LRCH4: variants seen among roughly 807,000 people sequenced by gnomAD.
LRCH4 encodes the protein leucine rich repeats and calponin homology domain containing 4, also known as leucine-rich repeat and calponin homology domain-containing protein 4.
LRCH4 carries 56 observed loss-of-function variants against 81.2 expected under a neutral mutation model. The observed-to-expected ratio is 0.69, with a 90% CI of 0.56 to 0.86. The LOEUF is 0.86. LRCH4 is among the 40% of genes least tolerant of loss of function. LRCH4 has a pLI of 0.00. For synonymous variants in LRCH4, 442 were observed against 409.7 expected (o/e 1.08, Z -0.95); for missense variants, 895 against 922.8 (o/e 0.97, Z 0.39).
intron 4 of LRCH4, chr7:100,580,636 CACACACAGACACAA>C (rs1213663563): frequency 6.6e-6 from 1 of 151,410 alleles, no homozygotes; most frequent in African/African-American, 2.4e-5. Context: ...CACACAAAGA[CACACACAGACACAA>C]ACACACATAC....
chr7:100,576,568 T>A, intron 14 of LRCH4, 126 bp downstream of exon 14: 2 of 847,072 alleles, frequency 2.4e-6, no homozygotes, highest in East Asian at 5.3e-5. Context: ...CCGGCTTGCT[T>A]GTGGGATTTT....
intron 1 of LRCH4, 36 bp downstream of exon 1, chr7:100,585,845 G>A (rs749254519): frequency 3.9e-6 from 6 of 1,524,620 alleles, no homozygotes; most frequent in Non-Finnish European, 5.3e-6. Context: ...ATGCAAATGA[G>A]GGACCCGGTT....
At position 100,578,827 on chromosome 7, in the gene LRCH4, G is replaced by C; in HGVS notation, c.599-41C>G. The C allele has an allele frequency of 6.2e-7, 1 of 1,600,170 alleles. No homozygotes were observed. Among genetic ancestry groups the C allele is most frequent in the South Asian group, 1.1e-5 (1 of 89,268 alleles). On this transcript the variant is annotated intron_variant, in intron 4 of 17. Coordinates refer to ENST00000310300, the MANE Select transcript of LRCH4 (RefSeq NM_002319.5). The surrounding 1 kb of genome is among the most constrained non-coding windows in gnomAD (Gnocchi z 5.7). ...AAGGGAAAAGTCAGGAACATGCTCAGGGCTGTGGCCTCGTGCTCACTCCCT... is the reference window on the plus strand; with the variant it reads ...AAGGGAAAAGTCAGGAACATGCTCACGGCTGTGGCCTCGTGCTCACTCCCT...
At position 100,576,764 on chromosome 7, in the gene LRCH4, A is replaced by G; in HGVS notation, c.1482T>C (p.Ala494=). 6.3e-7 allele frequency: 1 copy of G among 1,595,048 alleles called. No individual in the cohort carries two copies. Among genetic ancestry groups the G allele is most frequent in the Non-Finnish European group, 8.5e-7 (1 of 1,170,574 alleles). Residue 494 remains alanine, a synonymous_variant, in exon 14 of 18, where the codon GCT becomes GCC. Transcript: ENST00000310300. Reference sequence around the variant, plus strand: ...TCTGAATGGAGCCAAGTGGCCGTGGAGCAGGTGCTGTCGCTGGGGCCGGAA... The same window carrying G: ...TCTGAATGGAGCCAAGTGGCCGTGGGGCAGGTGCTGTCGCTGGGGCCGGAA... ...LPIAGPATAP[A]PRPLGSIQRP...
In LRCH4 at chr7:100,576,700, C is replaced by T; in HGVS notation, c.1546G>A (p.Gly516Ser). Residue 516 changes from glycine to serine, a missense_variant, in exon 14 of 18, where the codon GGC becomes AGC. Transcript: ENST00000310300. ...SFLFRSSSQS[G>S]SGPSSPDSVL... ...GGGAGGGCAGGACACCCACCTGAGCCACTCTGAGAGGAGGAACGGAAGAGG... is the reference window on the plus strand; with the variant it reads ...GGGAGGGCAGGACACCCACCTGAGCTACTCTGAGAGGAGGAACGGAAGAGG... 6.3e-7 allele frequency: 1 copy of T among 1,589,224 alleles called. No homozygotes were observed. Among genetic ancestry groups the T allele is most frequent in the South Asian group, 1.1e-5 (1 of 87,292 alleles).
rs1025421229 is a variant in LRCH4 at position 100,578,232 on chromosome 7, T to C, written c.875A>G (p.His292Arg). The C allele has an allele frequency of 4.3e-6, 7 of 1,614,114 alleles. No individual in the cohort carries two copies. In the African/African-American group the frequency reaches 5.3e-5, roughly 12 times the overall value. ...TGAGTCCAGCCCACCATCGTACCGA[T>C]GTCCCGGAAATAGATCCTCTGCAGG... ...PCPAEDLFPG[H>R]RYDGGLDSGF... is the part of the protein sequence containing the mutation. Residue 292 changes from histidine to arginine, a missense_variant, in exon 7 of 18, where the codon CAT becomes CGT. His to Arg is a conservative substitution (Grantham distance 29, BLOSUM62 0). This residue lies in a region of LRCH4 where 360 missense variants were observed against 397.0 expected (regional missense o/e 0.91). Coordinates refer to ENST00000310300, the MANE Select transcript of LRCH4 (RefSeq NM_002319.5). The surrounding 1 kb of genome is among the most constrained non-coding windows in gnomAD (Gnocchi z 5.7).
intron 4 of LRCH4, chr7:100,579,004 G>A (rs920714706): frequency 4.6e-5 from 26 of 567,374 alleles, no homozygotes; most frequent in African/African-American, 4.3e-4. Flanking sequence ...GGGCCCATCT[G>A]GACGTCAGCT....
chr7:100,578,570 G>A lies in LRCH4; in HGVS notation c.736-59C>T. ...CAGGGAGGGCAGCTCCCCGGATCCT[G>A]CTCAGCTATCCAAGGGGACCAACCC... is the stretch of plus-strand genomic sequence containing the variant. On this transcript the variant is annotated intron_variant, in intron 5 of 17. Transcript: ENST00000310300. The surrounding 1 kb of genome is among the most constrained non-coding windows in gnomAD (Gnocchi z 5.7). The A allele has an allele frequency of 6.2e-7, 1 of 1,601,154 alleles. No individual in the cohort carries two copies. Among genetic ancestry groups the A allele is most frequent in the Admixed American group, 1.7e-5 (1 of 59,344 alleles).
intron 15 of LRCH4, 65 bp from the exon 16 acceptor site, chr7:100,576,073 T>C: frequency 6.5e-7 from 1 of 1,542,888 alleles, no homozygotes; most frequent in Non-Finnish European, 8.7e-7. Flanking sequence ...GCAGGGAGAG[T>C]GGGGGGCTCA....
Position 100,576,758 on chromosome 7 carries a change from C to A in LRCH4, c.1488G>T (p.Arg496=). The A allele has an allele frequency of 6.3e-7, 1 of 1,595,772 alleles. No individual in the cohort carries two copies. Among genetic ancestry groups the A allele is most frequent in the South Asian group, 1.1e-5 (1 of 88,192 alleles). ...TTGGTCTCTGAATGGAGCCAAGTGG[C>A]CGTGGAGCAGGTGCTGTCGCTGGGG... ...IAGPATAPAP[R]PLGSIQRPNS... Residue 496 remains arginine (R), a synonymous_variant, in exon 14 of 18, where the codon CGG becomes CGT. Coordinates refer to ENST00000310300, the MANE Select transcript of LRCH4 (RefSeq NM_002319.5).
intron 4 of LRCH4, chr7:100,580,404 T>TCTCA (rs1801492412): frequency 7.3e-6 from 1 of 137,796 alleles, no homozygotes. Context: ...CATACACACA[T>TCTCA]CACACACACA....
Position 100,578,529 on chromosome 7 carries a change from C to T in LRCH4, c.736-18G>A, listed in dbSNP as rs755323211. Reference sequence around the variant, plus strand: ...AGGCAGACCTGTGTGCGGGGCAGCACACGCCAGGGAGTTGGCAGGGAGGGC... The same window carrying T: ...AGGCAGACCTGTGTGCGGGGCAGCATACGCCAGGGAGTTGGCAGGGAGGGC... On this transcript the variant is annotated intron_variant, in intron 5 of 17. Transcript: ENST00000310300. This position sits in a 1 kb window ranked among gnomAD's most constrained non-coding sequence, Gnocchi z 5.7. The T allele has an allele frequency of 2.5e-6, 4 of 1,609,234 alleles. No homozygotes were observed. Among genetic ancestry groups the T allele is most frequent in the Non-Finnish European group, 3.4e-6 (4 of 1,177,134 alleles).
intron 4 of LRCH4, 173 bp downstream of exon 4, chr7:100,581,604 G>A: frequency 1.7e-6 from 1 of 592,936 alleles, no homozygotes; most frequent in Non-Finnish European, 3.0e-6. Flanking sequence ...AAAGCACCCT[G>A]CCAGAAGCTG....
intron 15 of LRCH4, 113 bp downstream of exon 15, chr7:100,576,125 G>A (rs1211511536): frequency 6.8e-7 from 1 of 1,480,458 alleles, no homozygotes; most frequent in Non-Finnish European, 9.2e-7. Flanking sequence ...CTGTCCTCAG[G>A]GGAGGTGCCA....
At position 100,575,126 on chromosome 7, in the gene LRCH4, G is replaced by A. The variant is rs1801303386; in HGVS notation, c.2033C>T (p.Thr678Ile). 1.2e-6 allele frequency: 2 copies of A among 1,611,514 alleles called. 1 individual carries two copies. The highest frequency in any genetic ancestry group is 2.2e-5 in the South Asian group (2 of 90,886). Reference protein sequence around the residue: ...VLMLLLYVTYTRLLGS With the variant: ...VLMLLLYVTYIRLLGS ...TGGGGCCTAGGAACCCAGGAGCCGA[G>A]TGTAGGTGACATAGAGCAGCAGCAT... The change falls in exon 18 of 18, where the codon ACT (threonine) becomes ATT (isoleucine). Residue 678 changes from threonine (T) to isoleucine (I), a missense_variant. Thr to Ile is a moderately conservative substitution (Grantham distance 89). Around this residue, in one of 3 missense-constraint regions of LRCH4, gnomAD observed 529 missense variants for 504.9 expected, o/e 1.05. Transcript: ENST00000310300. This position sits in a 1 kb window ranked among gnomAD's most constrained non-coding sequence, Gnocchi z 5.3.
At position 100,586,087 on chromosome 7, in the gene LRCH4, A is replaced by G. The variant is rs1457183045; in HGVS notation, c.14T>C (p.Val5Ala). The G allele has an allele frequency of 1.1e-5, 17 of 1,530,274 alleles. No individual in the cohort carries two copies. The highest frequency in any genetic ancestry group is 2.0e-5 in the Admixed American group (1 of 49,332). 94.8% of individuals were successfully genotyped at this position (1,530,274 alleles called of 1,614,324 possible). The change falls in exon 1 of 18, where the codon GTA becomes GCA. Residue 5 changes from valine (V) to alanine (A), a missense_variant. Val to Ala is a moderately conservative substitution (Grantham distance 64). Transcript: ENST00000310300. ...ACCCCCGGCGGCGAGTGGAGCCGCT[A>G]CGGCCGCCGCCATCCGCTCCCGGCG... MAAA[V>A]AAPLAAGGEE...
chr7:100,576,150 G>A (rs547280550), intron 15 of LRCH4, 88 bp downstream of exon 15: 4 of 1,498,676 alleles, frequency 2.7e-6, no homozygotes, highest in South Asian at 1.2e-5. Context: ...GGGCACAGAG[G>A]ATGTGGAGGG....
intron 1 of LRCH4, chr7:100,584,684 C>T (rs1171186624): frequency 2.2e-6 from 1 of 456,440 alleles, no homozygotes; most frequent in African/African-American, 2.0e-5. Flanking sequence ...CATTCCCCAT[C>T]TCAAGTGTTG....
Position 100,577,613 on chromosome 7 carries a change from G to A in LRCH4, c.1116+51C>T. 6.2e-7 allele frequency: 1 copy of A among 1,611,592 alleles called. No homozygotes were observed. The highest frequency in any genetic ancestry group is 8.5e-7 in the Non-Finnish European group (1 of 1,179,492). On this transcript the variant is annotated intron_variant, in intron 9 of 17. Coordinates refer to ENST00000310300, the MANE Select transcript of LRCH4 (RefSeq NM_002319.5). The surrounding 1 kb of genome is among the most constrained non-coding windows in gnomAD (Gnocchi z 6.7). ...GCAGGCCTGTGCCCACGCCTGCCCT[G>A]TCCCCTCCTCCAGCTCCCCTCCCTT... is the stretch of plus-strand genomic sequence containing the variant.
Sources: allele counts gnomAD v4.1 joint callset, GRCh38; gene constraint gnomAD v4.1.1; regional missense constraint gnomAD v4.1.1; non-coding constraint Gnocchi (gnomAD v3.1); transcripts MANE v1.5; gene names NCBI Gene and HGNC (gene_info 2026-07-23, HGNC 2026-07-21).